Variants in COLGALT2 observed in about 807,000 individuals in gnomAD.
COLGALT2 encodes procollagen galactosyltransferase 2.
Under a neutral mutation model 73.4 loss-of-function variants are expected in COLGALT2, and 49 were observed. That is an observed-to-expected ratio of 0.67 (90% CI 0.53 to 0.85). COLGALT2 has a LOEUF of 0.85. COLGALT2 is among the 40% of genes least tolerant of loss of function. The pLI is 0.00. For missense variants in COLGALT2, 722 were observed against 790.2 expected (o/e 0.91, Z 1.03); for synonymous variants, 295 against 307.6 (o/e 0.96, Z 0.43).
intron 7 of COLGALT2, 54 bp downstream of exon 7, chr1:183,954,706 AAC>A: frequency 1.5e-6 from 2 of 1,373,202 alleles, no homozygotes; most frequent in Non-Finnish European, 2.1e-6. Flanking sequence ...TTCCAAAATG[AAC>A]ACACAAGCCT....
chr1:183,977,802 GAA>G (rs1472735872), intron 2 of COLGALT2, among the ~76,000 whole-genome samples: 5 of 129,900 alleles, frequency 3.8e-5, no homozygotes, highest in Non-Finnish European at 7.9e-5. Flanking sequence ...AAGAAAGAAG[GAA>G]AGAGAGAAAG....
chr1:184,021,037 T>A (rs1649164660), intron 1 of COLGALT2, among the ~76,000 whole-genome samples: 1 of 152,066 alleles, frequency 6.6e-6, no homozygotes, highest in Non-Finnish European at 1.5e-5. Flanking sequence ...AGTCACAGGA[T>A]CTCACTTCTG....
chr1:183,969,177 G>A, intron 5 of COLGALT2, 92 bp downstream of exon 5: 2 of 1,052,586 alleles, frequency 1.9e-6, no homozygotes, highest in South Asian at 3.4e-5. Context: ...AGACATATGA[G>A]GGTTTTTTTT....
chr1:183,947,078 A>G (rs536847605), intron 8 of COLGALT2, among the ~76,000 whole-genome samples: 2 of 152,266 alleles, frequency 1.3e-5, no homozygotes, highest in African/African-American at 4.8e-5. Flanking sequence ...TTATAAATAC[A>G]TATGCACCTA....
At chr1:184,019,937 A>G (rs1027450373) in intron 1 of COLGALT2, among the ~76,000 whole-genome samples, 3 of 152,212 alleles carry the variant, frequency 2.0e-5, no homozygotes, top group African/African-American at 7.2e-5. Context: ...TGCATGCTGT[A>G]AATTTAGCAG....
rs766021362 is a variant in COLGALT2, at chr1:183,975,128, G to A, written c.461C>T (p.Thr154Ile). The change falls in exon 3 of 12, where the codon ACT becomes ATT. Residue 154 changes from threonine (T) to isoleucine (I), a missense_variant. Coordinates refer to ENST00000361927, the MANE Select transcript of COLGALT2 (RefSeq NM_015101.4). Reference protein sequence around the residue: ...VMKLRQAALRTAREKWSDYIL... With the variant: ...VMKLRQAALRIAREKWSDYIL... ...GTAGTCTGACCATTTTTCCCTCGCA[G>A]TTCGAAGGGCTGCCTGTCGTAGTTT... 2.5e-6 allele frequency: 4 copies of A among 1,613,946 alleles called. No individual in the cohort carries two copies. In the South Asian group the frequency reaches 3.3e-5, roughly 13 times the overall value.
chr1:183,960,139 T>A (rs1670658987), intron 6 of COLGALT2, among the ~76,000 whole-genome samples: 1 of 152,322 alleles, frequency 6.6e-6, no homozygotes, highest in African/African-American at 2.4e-5. Context: ...TGATTATCTC[T>A]TCTAACACCT....
At chr1:184,010,459 C>A (rs974562290) in intron 1 of COLGALT2, among the ~76,000 whole-genome samples, 1 of 152,188 alleles carries the variant, frequency 6.6e-6, no homozygotes, top group Non-Finnish European at 1.5e-5. Context: ...CATCAAATGT[C>A]TCCAAATCTT....
At chr1:183,943,752 C>G (rs962212189) in intron 10 of COLGALT2, among the ~76,000 whole-genome samples, 3 of 152,194 alleles carry the variant, frequency 2.0e-5, no homozygotes, top group African/African-American at 4.8e-5. Context: ...AACCTCCCAC[C>G]TTCTCGGAAG....
intron 7 of COLGALT2, 51 bp downstream of exon 7, chr1:183,954,711 A>T: frequency 7.1e-6 from 10 of 1,417,082 alleles, no homozygotes; most frequent in Non-Finnish European, 1.0e-5. Context: ...AAATGAACAC[A>T]CAAGCCTGCA....
chr1:183,973,562 G>T (rs1025525135), intron 4 of COLGALT2, 54 bp downstream of exon 4: 1 of 1,605,024 alleles, frequency 6.2e-7, no homozygotes, highest in Non-Finnish European at 8.5e-7. Flanking sequence ...ACTGTTGACC[G>T]GGTGTTGCCT....
chr1:184,022,237 A>G (rs1252056520), intron 1 of COLGALT2, among the ~76,000 whole-genome samples: 1 of 152,246 alleles, frequency 6.6e-6, no homozygotes, highest in Admixed American at 6.5e-5. Flanking sequence ...AAAACTAATT[A>G]CGTGAATAAA....
chr1:183,994,023 A>G lies in COLGALT2; in HGVS notation c.264-15503T>C, dbSNP rs755208577. On this transcript the variant is annotated intron_variant, in intron 1 of 11. Coordinates refer to ENST00000361927, the MANE Select transcript of COLGALT2 (RefSeq NM_015101.4). Reference sequence around the variant, plus strand: ...TAAGTCACACTCATTTTCTCTTGTAATTCTTTTTTTTTTTTTTTTTTTTTT... The same window carrying G: ...TAAGTCACACTCATTTTCTCTTGTAGTTCTTTTTTTTTTTTTTTTTTTTTT... Among the ~76,000 whole-genome samples the G allele has an allele frequency of 7.3e-4, 85 of 116,340 alleles. 1 individual carries two copies. The highest frequency in any genetic ancestry group is 7.0e-4 in the Admixed American group (8 of 11,478). The allele number at this position is 116,340 out of a possible 152,430, so 76.3% of individuals were successfully genotyped here.
chr1:184,024,404 G>A (rs893124696), intron 1 of COLGALT2, among the ~76,000 whole-genome samples: 2 of 151,052 alleles, frequency 1.3e-5, no homozygotes, highest in Non-Finnish European at 2.9e-5. Context: ...CCAGGCTGGA[G>A]TGCAGTGGCA....
At chr1:184,013,967 G>T (rs1278351072) in intron 1 of COLGALT2, among the ~76,000 whole-genome samples, 1 of 152,176 alleles carries the variant, frequency 6.6e-6, no homozygotes, top group African/African-American at 2.4e-5. Context: ...GGGAATATAG[G>T]AGACAGAGCT....
chr1:184,025,781 T>C (rs114534468), intron 1 of COLGALT2, among the ~76,000 whole-genome samples: 51 of 152,262 alleles, frequency 3.3e-4, no homozygotes, highest in African/African-American at 1.2e-3. Flanking sequence ...ACGAGCTTCC[T>C]AGAAAAGGAT....
At chr1:183,951,872 A>G (rs917400704) in intron 7 of COLGALT2, among the ~76,000 whole-genome samples, 3 of 152,192 alleles carry the variant, frequency 2.0e-5, no homozygotes, top group Non-Finnish European at 2.9e-5. Context: ...ACCACAAAAG[A>G]CCCTGAATAG....
In COLGALT2 at chr1:183,939,033, C is replaced by T. The variant is rs199532590; in HGVS notation, c.1609G>A (p.Glu537Lys). 1.2e-4 allele frequency: 199 copies of T among 1,608,188 alleles called. No homozygotes were observed. Among genetic ancestry groups the T allele is most frequent in the Non-Finnish European group, 1.5e-4 (182 of 1,175,108 alleles). The change falls in exon 12 of 12, where the codon GAG becomes AAG. Residue 537 changes from glutamate to lysine, a missense_variant. Glu to Lys is a moderately conservative substitution (Grantham distance 56). Transcript: ENST00000361927. ...CTGGATTCATAATACTCCTTGTACT[C>T]GGCTCTGAAAACAAGAAGGTGGCCG... Reference protein sequence around the residue: ...PVMYNKHPVAEYKEYYESRDL... With the variant: ...PVMYNKHPVAKYKEYYESRDL...
intron 8 of COLGALT2, among the ~76,000 whole-genome samples, chr1:183,949,048 T>C (rs924016805): frequency 2.0e-5 from 3 of 152,258 alleles, no homozygotes; most frequent in South Asian, 2.1e-4. Flanking sequence ...ACTTGTATAC[T>C]GAAAATGACA....
Sources: allele counts gnomAD v4.1 joint callset (sites outside exome capture counted in the v4.1 genomes callset), GRCh38; gene constraint gnomAD v4.1.1; transcripts MANE v1.5; gene names NCBI Gene and HGNC (gene_info 2026-07-23, HGNC 2026-07-21).